TRAPPC11: variants seen among roughly 807,000 people sequenced by gnomAD.
TRAPPC11 encodes foie gras homolog.
A neutral mutation model predicts 151.2 loss-of-function variants in TRAPPC11; 104 were observed. The observed-to-expected ratio is 0.69, with a 90% CI of 0.59 to 0.81. The LOEUF (loss-of-function observed/expected upper bound fraction) is 0.81. Among genes scored for constraint, TRAPPC11 ranks in the 30% least tolerant of loss-of-function variants. The pLI is 0.00. For missense variants in TRAPPC11, 1,230 were observed against 1,349.6 expected, an observed-to-expected ratio of 0.91 and a Z score of 1.39; for synonymous variants, 456 against 472.3, an observed-to-expected ratio of 0.97 and a Z score of 0.45.
At chr4:183,682,848 C>T in intron 11 of TRAPPC11, 23 bp downstream of exon 11, 1 of 1,530,650 alleles carries the variant, frequency 6.5e-7, no homozygotes, top group Non-Finnish European at 9.0e-7. Flanking sequence ...TCCCTCTGTC[C>T]TTTCCTCTCA....
At chr4:183,680,064 A>C in intron 9 of TRAPPC11, 56 bp from the exon 10 acceptor site, 41 of 1,487,902 alleles carry the variant, frequency 2.8e-5, no homozygotes, top group Non-Finnish European at 3.4e-5. Context: ...AATTACCAGA[A>C]ATAAGCTTCT....
chr4:183,672,875 A>G (rs1052196761), intron 5 of TRAPPC11, among the ~76,000 whole-genome samples: 6 of 152,098 alleles, frequency 3.9e-5, no homozygotes, highest in African/African-American at 1.4e-4. Context: ...TGTTTTTTGA[A>G]TCATTCAGAA....
At chr4:183,708,945 C>T (rs1737210767) in intron 29 of TRAPPC11, among the ~76,000 whole-genome samples, 1 of 151,736 alleles carries the variant, frequency 6.6e-6, no homozygotes, top group South Asian at 2.1e-4. Flanking sequence ...TTAGATTTAG[C>T]TCTCTTCTGA....
intron 1 of TRAPPC11, among the ~76,000 whole-genome samples, chr4:183,661,001 T>G (rs561916064): frequency 6.6e-6 from 1 of 151,996 alleles, no homozygotes; most frequent in East Asian, 1.9e-4. Flanking sequence ...CGTGAGCCGC[T>G]GTACCCAGCC....
At chr4:183,668,371 ATTTC>A (rs1363221451) in intron 5 of TRAPPC11, among the ~76,000 whole-genome samples, 1 of 152,150 alleles carries the variant, frequency 6.6e-6, no homozygotes, top group Non-Finnish European at 1.5e-5. Flanking sequence ...AAATATATGT[ATTTC>A]TTTATAGTAT....
chr4:183,659,369 A>C lies in TRAPPC11; in HGVS notation c.-100A>C. 1 of 172,028 alleles carries C rather than the reference A, an allele frequency of 5.8e-6. No homozygotes were observed. The highest frequency in any genetic ancestry group is 2.4e-5 in the African/African-American group (1 of 42,270). 10.7% of individuals were successfully genotyped at this position (172,028 alleles called of 1,614,324 possible). A position where few individuals can be genotyped will look rare whatever the true frequency, so the allele number is the denominator to read the frequency against. ...GGGACGGGCCACGGCGTTCTGTGAC[A>C]TCCCCCCGCCTCCCCTCGTCTTCTC... On this transcript the variant is annotated 5_prime_UTR_variant, in exon 1 of 30. Coordinates refer to ENST00000334690, the MANE Select transcript of TRAPPC11 (RefSeq NM_021942.6).
intron 19 of TRAPPC11, among the ~76,000 whole-genome samples, chr4:183,692,709 A>C (rs1397643787): frequency 6.6e-6 from 1 of 152,204 alleles, no homozygotes; most frequent in Non-Finnish European, 1.5e-5. Context: ...ACTACTGTGC[A>C]ATCAGCCTGT....
intron 3 of TRAPPC11, 179 bp from the exon 4 acceptor site, chr4:183,666,881 A>T (rs112406925): frequency 5.8e-6 from 3 of 513,948 alleles, no homozygotes; most frequent in African/African-American, 5.7e-5. Flanking sequence ...TCATACTTTT[A>T]GAATTTAAAT....
chr4:183,677,146 T>G (rs376607382), intron 7 of TRAPPC11, among the ~76,000 whole-genome samples: 1 of 152,262 alleles, frequency 6.6e-6, no homozygotes, highest in African/African-American at 2.4e-5. Flanking sequence ...AAAATACTTA[T>G]GTTTTTTAAC....
At chr4:183,663,314 A>G (rs1734654512) in intron 1 of TRAPPC11, among the ~76,000 whole-genome samples, 1 of 151,614 alleles carries the variant, frequency 6.6e-6, no homozygotes. Context: ...GCTCACTGCA[A>G]CCTCCACCTC....
At chr4:183,661,779 T>TTG (rs1734561439) in intron 1 of TRAPPC11, among the ~76,000 whole-genome samples, 1 of 142,256 alleles carries the variant, frequency 7.0e-6, no homozygotes, top group African/African-American at 2.7e-5. Flanking sequence ...TTTTTTTTTT[T>TTG]GTGGCACAAT....
At chr4:183,693,186 T>C (rs1736345388) in intron 20 of TRAPPC11, 39 bp downstream of exon 20, 2 of 1,521,564 alleles carry the variant, frequency 1.3e-6, no homozygotes, top group Non-Finnish European at 1.8e-6. Context: ...AAGGTCATCC[T>C]CTTATTTCTT....
intron 5 of TRAPPC11, 76 bp from the exon 6 acceptor site, chr4:183,674,637 T>G: frequency 1.3e-6 from 1 of 742,400 alleles, no homozygotes; most frequent in Non-Finnish European, 2.2e-6. Context: ...TACTTTCAGG[T>G]CTCACAAATA....
chr4:183,688,566 G>A (rs1042263003), intron 18 of TRAPPC11, among the ~76,000 whole-genome samples: 7 of 152,216 alleles, frequency 4.6e-5, no homozygotes, highest in South Asian at 4.1e-4. Flanking sequence ...ATAAAGAAAC[G>A]TTATCTGTTT....
At position 183,693,608 on chromosome 4, in the gene TRAPPC11, A is replaced by G. The variant is rs1736371008; in HGVS notation, c.2257A>G (p.Asn753Asp). Residue 753 changes from asparagine (N) to aspartate (D), a missense_variant, in exon 21 of 30, where the codon AAC becomes GAC. Transcript: ENST00000334690. ...ASTMIISRVP[N>D]ISVHLLHEPP... ...TCAAAGGATCATATCCAGAGTCCCA[A>G]ACATTTCTGTACATCTGCTACATGA... 1 of 1,612,138 alleles carries G rather than the reference A, an allele frequency of 6.2e-7. No individual in the cohort carries two copies. Among genetic ancestry groups the G allele is most frequent in the African/African-American group, 1.3e-5 (1 of 74,850 alleles).
chr4:183,712,515 A>C (rs1484836385), intron 29 of TRAPPC11, 85 bp from the exon 30 acceptor site: 1 of 1,321,084 alleles, frequency 7.6e-7, no homozygotes, highest in African/African-American at 1.5e-5. Flanking sequence ...AACAGTTTCA[A>C]GAATTTAAAA....
Position 183,682,760 on chromosome 4 carries a change from C to T in TRAPPC11, c.1142C>T (p.Pro381Leu). The T allele has an allele frequency of 6.2e-7, 1 of 1,613,302 alleles. No homozygotes were observed. Among genetic ancestry groups the T allele is most frequent in the South Asian group, 1.1e-5 (1 of 91,042 alleles). ...EASVMYPNPDPLETQTGVLDF... is the reference protein window; with the variant it reads ...EASVMYPNPDLLETQTGVLDF... ...TCTGTAATGTATCCCAATCCTGATC[C>T]CTTAGAAACACAAACAGGCGTTCTT... The change falls in exon 11 of 30, where the codon CCC (proline) becomes CTC (leucine). Residue 381 changes from proline to leucine, a missense_variant. Pro to Leu is a moderately conservative substitution (Grantham distance 98). Coordinates refer to ENST00000334690, the MANE Select transcript of TRAPPC11 (RefSeq NM_021942.6).
chr4:183,695,513 T>A (rs1185913717), intron 23 of TRAPPC11, among the ~76,000 whole-genome samples: 1 of 152,234 alleles, frequency 6.6e-6, no homozygotes, highest in Admixed American at 6.5e-5. Flanking sequence ...TGGTCTCTTT[T>A]CTATTTCTAG....
At chr4:183,660,475 T>G (rs11132202) in intron 1 of TRAPPC11, among the ~76,000 whole-genome samples, 31,129 of 152,234 alleles carry the variant, frequency 0.2, 3,448 homozygotes, top group Admixed American at 0.32. Context: ...TTAAATTGAA[T>G]ATTAAAATGA....
Sources: allele counts gnomAD v4.1 joint callset (sites outside exome capture counted in the v4.1 genomes callset), GRCh38; gene constraint gnomAD v4.1.1; transcripts MANE v1.5; gene names NCBI Gene and HGNC (gene_info 2026-07-23, HGNC 2026-07-21).